The following QTMAN variants were observed in gnomAD, a reference collection of about 807,000 sequenced individuals.
The protein encoded by QTMAN is queuosine-tRNA mannosyltransferase, also known as tRNA-queuosine alpha-mannosyltransferase.
At chr2:144,171,213 C>T in the QTMAN span, among the ~76,000 whole-genome samples, 6 of 152,148 alleles carry the variant, frequency 3.9e-5, no homozygotes, top group Non-Finnish European at 7.4e-5. Context: ...ATTATTATCA[C>T]GTCTGGCTGC....
At chr2:144,007,209 A>AG in the QTMAN span, 1 of 1,604,760 alleles carries the variant, frequency 6.2e-7, no homozygotes, top group Admixed American at 1.7e-5. Flanking sequence ...AATGTGTAGC[A>AG]GTCTTTGCTG....
the QTMAN span, among the ~76,000 whole-genome samples, chr2:144,232,136 T>C: frequency 2.0e-5 from 3 of 152,218 alleles, no homozygotes; most frequent in South Asian, 2.1e-4. Context: ...AAAGATAGCA[T>C]TGGGAGCAAT....
the QTMAN span, chr2:143,946,792 A>C: frequency 4.2e-6 from 2 of 471,604 alleles, no homozygotes; most frequent in Non-Finnish European, 7.5e-6. Flanking sequence ...AGTCTCCTAC[A>C]TGTGATGCCG....
the QTMAN span, chr2:143,941,710 T>G: frequency 2.7e-5 from 4 of 150,288 alleles, no homozygotes; most frequent in Non-Finnish European, 5.9e-5. Flanking sequence ...CCACACTACA[T>G]AGTCTCTTAT....
chr2:144,177,197 CCA>C, the QTMAN span: 9 of 701,676 alleles, frequency 1.3e-5, no homozygotes, highest in Non-Finnish European at 2.1e-5. Flanking sequence ...CAAACCATAT[CCA>C]GACATGAAGA....
At chr2:144,145,634 T>C in the QTMAN span, 1 of 1,611,016 alleles carries the variant, frequency 6.2e-7, no homozygotes, top group Non-Finnish European at 8.5e-7. Flanking sequence ...TGACAGGATA[T>C]ATCAACTGGT....
the QTMAN span, among the ~76,000 whole-genome samples, chr2:144,203,944 T>C: frequency 1.1e-4 from 16 of 152,226 alleles, no homozygotes; most frequent in Non-Finnish European, 1.5e-4. Context: ...GCTAGCCATA[T>C]GTAGAAAGCT....
the QTMAN span, among the ~76,000 whole-genome samples, chr2:144,234,653 A>C: frequency 6.6e-6 from 1 of 152,222 alleles, no homozygotes; most frequent in Non-Finnish European, 1.5e-5. Flanking sequence ...TGTTAAAAGA[A>C]GACCAATAGC....
the QTMAN span, among the ~76,000 whole-genome samples, chr2:143,995,143 T>C: frequency 6.6e-6 from 1 of 152,096 alleles, no homozygotes; most frequent in African/African-American, 2.4e-5. Context: ...CTAACAATCA[T>C]AAAAATGTGA....
the QTMAN span, among the ~76,000 whole-genome samples, chr2:144,132,789 T>C: frequency 6.6e-6 from 1 of 151,752 alleles, no homozygotes; most frequent in Non-Finnish European, 1.5e-5. Context: ...AGCCGATCAA[T>C]AGATAACAAA....
At chr2:144,134,364 A>C in the QTMAN span, among the ~76,000 whole-genome samples, 1 of 152,156 alleles carries the variant, frequency 6.6e-6, no homozygotes, top group Non-Finnish European at 1.5e-5. Context: ...CATTTCAGCT[A>C]CATAGAAATG....
At chr2:144,304,829 G>A in the QTMAN span, among the ~76,000 whole-genome samples, 304 of 152,210 alleles carry the variant, frequency 2.0e-3, 1 homozygote, top group African/African-American at 6.8e-3. Flanking sequence ...ATACAAAGAC[G>A]CAGATGAGAA....
At chr2:144,041,779 A>G in the QTMAN span, among the ~76,000 whole-genome samples, 1 of 152,202 alleles carries the variant, frequency 6.6e-6, no homozygotes, top group African/African-American at 2.4e-5. Context: ...GAGCCAGTCC[A>G]GGGGAAGCTT....
chr2:144,128,394 T>C, the QTMAN span: 4 of 152,052 alleles, frequency 2.6e-5, no homozygotes, highest in African/African-American at 9.7e-5. Flanking sequence ...CAAAATGAGT[T>C]ACAGATCAGA....
chr2:144,222,526 G>C, the QTMAN span, among the ~76,000 whole-genome samples: 3 of 151,960 alleles, frequency 2.0e-5, no homozygotes, highest in Non-Finnish European at 4.4e-5. Flanking sequence ...AAAGCTGGAG[G>C]CTGGGCGTGG....
chr2:144,022,300 A>G, the QTMAN span, among the ~76,000 whole-genome samples: 1 of 150,796 alleles, frequency 6.6e-6, no homozygotes, highest in South Asian at 2.1e-4. Context: ...TTTAATTTGT[A>G]TATATATATG....
the QTMAN span, among the ~76,000 whole-genome samples, chr2:143,977,845 G>A: frequency 1.0e-3 from 158 of 152,242 alleles, 1 homozygote; most frequent in Middle Eastern, 3.4e-3. Context: ...AGAAGGAGAG[G>A]TGTCTGTCTT....
At chr2:143,963,480 GT>G in the QTMAN span, among the ~76,000 whole-genome samples, 82 of 144,998 alleles carry the variant, frequency 5.7e-4, no homozygotes, top group South Asian at 6.6e-4. Flanking sequence ...TTTCTGCCTA[GT>G]TTTTTTTTTT....
At chr2:144,331,200 A>G in the QTMAN span, among the ~76,000 whole-genome samples, 1 of 152,200 alleles carries the variant, frequency 6.6e-6, no homozygotes, top group Admixed American at 6.5e-5. Context: ...AGAAGAATCT[A>G]ATCCAAGTCA....
Sources: gnomAD v4.1 joint callset for allele counts (sites outside exome capture counted in the v4.1 genomes callset) on GRCh38, gnomAD v4.1.1 for gene constraint, MANE v1.5 for transcripts, NCBI Gene and HGNC (gene_info 2026-07-23, HGNC 2026-07-21) for gene names.